Variants in ENOX1 observed in about 807,000 individuals in gnomAD.
ENOX1 encodes candidate growth-related and time keeping constitutive hydroquinone (NADH) oxidase.
In ENOX1, 42 loss-of-function variants were observed where a neutral mutation model predicts 82.5. The ratio of observed to expected loss-of-function variants is 0.51; its 90% CI spans 0.40 to 0.66. The LOEUF is 0.66. ENOX1 is among the 30% of genes least tolerant of loss of function. The pLI, the probability that ENOX1 is intolerant of heterozygous loss-of-function variation, is 0.00. For synonymous variants in ENOX1, 271 were observed against 282.2 expected, an observed-to-expected ratio of 0.96 and a Z score of 0.40; for missense variants, 608 against 811.6, an observed-to-expected ratio of 0.75 and a Z score of 3.05.
At chr13:43,630,398 T>C (rs2083152763) in intron 2 of ENOX1, among the ~76,000 whole-genome samples, 2 of 152,112 alleles carry the variant, frequency 1.3e-5, no homozygotes, top group South Asian at 4.1e-4. Context: ...GAAAAGAGTA[T>C]TCCAAGAATA....
intron 2 of ENOX1, among the ~76,000 whole-genome samples, chr13:43,489,547 C>A (rs578260485): frequency 1.3e-5 from 2 of 152,288 alleles, no homozygotes; most frequent in African/African-American, 2.4e-5. Context: ...ACTAGTGGAA[C>A]TGTGGGGTCA....
intron 1 of ENOX1, among the ~76,000 whole-genome samples, chr13:43,693,556 C>T (rs970346564): frequency 1.3e-5 from 2 of 152,142 alleles, no homozygotes; most frequent in African/African-American, 2.4e-5. Context: ...GGCCGTGAAA[C>T]AAGAATGAAC....
At chr13:43,392,693 A>T (rs944479223) in intron 5 of ENOX1, among the ~76,000 whole-genome samples, 6 of 152,148 alleles carry the variant, frequency 3.9e-5, no homozygotes, top group Admixed American at 1.3e-4. Context: ...TAAACTCTGG[A>T]GGGGGAATGT....
At chr13:43,520,529 A>C (rs2077723781) in intron 2 of ENOX1, among the ~76,000 whole-genome samples, 1 of 152,208 alleles carries the variant, frequency 6.6e-6, no homozygotes, top group Non-Finnish European at 1.5e-5. Flanking sequence ...GGTGGGGCCC[A>C]AAAATGATAT....
intron 2 of ENOX1, among the ~76,000 whole-genome samples, chr13:43,560,876 C>T (rs1171626212): frequency 1.3e-5 from 2 of 152,064 alleles, no homozygotes; most frequent in African/African-American, 4.8e-5. Flanking sequence ...ATCTCAGTGG[C>T]CCTCTATAAA....
chr13:43,354,600 G>C (rs2050031329), intron 8 of ENOX1, among the ~76,000 whole-genome samples: 1 of 151,768 alleles, frequency 6.6e-6, no homozygotes, highest in South Asian at 2.1e-4. Flanking sequence ...CAATACACCA[G>C]CTATGTTCTA....
chr13:43,643,759 G>A (rs1052388731), intron 2 of ENOX1, among the ~76,000 whole-genome samples: 1 of 151,864 alleles, frequency 6.6e-6, no homozygotes, highest in Non-Finnish European at 1.5e-5. Context: ...CATAGTAGCA[G>A]CAAATCAAGA....
intron 2 of ENOX1, among the ~76,000 whole-genome samples, chr13:43,653,921 T>C (rs1188057294): frequency 6.6e-6 from 1 of 152,198 alleles, no homozygotes; most frequent in Non-Finnish European, 1.5e-5. Flanking sequence ...ACAGAATCTT[T>C]ACTCCCTTAT....
At chr13:43,331,733 T>G (rs2048419053) in intron 9 of ENOX1, among the ~76,000 whole-genome samples, 1 of 152,178 alleles carries the variant, frequency 6.6e-6, no homozygotes, top group Admixed American at 6.5e-5. Flanking sequence ...ATGGAGGGAA[T>G]GCAGTAAGCG....
chr13:43,782,452 T>C lies in ENOX1; in HGVS notation c.-285+4200A>G, dbSNP rs539889814. On this transcript the variant is annotated intron_variant, in intron 1 of 16. Coordinates refer to ENST00000690772, the MANE Select transcript of ENOX1 (RefSeq NM_001347969.2). ...GAAATATGCCAAATTATTATTCTTT[T>C]GGAAAATCCTTCTAGCTAGAATAAG... Among the ~76,000 whole-genome samples the C allele has an allele frequency of 3.7e-4, 57 of 152,344 alleles. 1 individual carries two copies. The highest frequency in any genetic ancestry group is 1.3e-3 in the African/African-American group (54 of 41,578).
intron 3 of ENOX1, among the ~76,000 whole-genome samples, chr13:43,425,226 G>A (rs576431760): frequency 1.3e-5 from 2 of 152,168 alleles, no homozygotes; most frequent in African/African-American, 4.8e-5. Flanking sequence ...GGCTACACCT[G>A]GTTATCTCAG....
At chr13:43,767,295 C>A (rs754094295) in intron 1 of ENOX1, among the ~76,000 whole-genome samples, 8 of 152,122 alleles carry the variant, frequency 5.3e-5, no homozygotes, top group Non-Finnish European at 8.8e-5. Flanking sequence ...CACAGATGTC[C>A]CCATTGGGCA....
chr13:43,350,725 G>C (rs150683319), intron 8 of ENOX1, among the ~76,000 whole-genome samples: 313 of 152,332 alleles, frequency 2.1e-3, no homozygotes, highest in African/African-American at 7.3e-3. Flanking sequence ...GATTACAGGC[G>C]TGAGCCACTA....
chr13:43,269,646 C>A (rs954427383), intron 12 of ENOX1, 69 bp from the exon 13 acceptor site: 5 of 1,205,404 alleles, frequency 4.1e-6, no homozygotes, highest in South Asian at 3.7e-5. Flanking sequence ...ATCCACAATA[C>A]CCATTCAAAA....
At chr13:43,261,688 A>G (rs1193837281) in intron 14 of ENOX1, among the ~76,000 whole-genome samples, 1 of 151,018 alleles carries the variant, frequency 6.6e-6, no homozygotes, top group Non-Finnish European at 1.5e-5. Context: ...TGTCCTTTGT[A>G]GGGACATGGA....
chr13:43,284,508 T>C (rs999981120), intron 12 of ENOX1, among the ~76,000 whole-genome samples: 17 of 152,112 alleles, frequency 1.1e-4, no homozygotes, highest in Admixed American at 6.5e-5. Context: ...TGGTTTAAAA[T>C]AAATTAAGAT....
intron 2 of ENOX1, among the ~76,000 whole-genome samples, chr13:43,630,982 C>T (rs758486890): frequency 2.0e-5 from 3 of 151,628 alleles, no homozygotes; most frequent in Admixed American, 1.3e-4. Flanking sequence ...GGGCTCATAC[C>T]GTAAATACCA....
chr13:43,781,413 A>G (rs1218367452), intron 1 of ENOX1, among the ~76,000 whole-genome samples: 1 of 152,204 alleles, frequency 6.6e-6, no homozygotes, highest in Non-Finnish European at 1.5e-5. Flanking sequence ...AGTAATTCAA[A>G]TGAATTCTTC....
At chr13:43,488,393 C>A (rs1218584176) in intron 2 of ENOX1, among the ~76,000 whole-genome samples, 1 of 152,200 alleles carries the variant, frequency 6.6e-6, no homozygotes, top group Non-Finnish European at 1.5e-5. Flanking sequence ...GCACCACAGA[C>A]AACAGAATCT....
Sources: allele counts gnomAD v4.1 joint callset (sites outside exome capture counted in the v4.1 genomes callset), GRCh38; gene constraint gnomAD v4.1.1; transcripts MANE v1.5; gene names NCBI Gene and HGNC (gene_info 2026-07-23, HGNC 2026-07-21).